CNTN6: variants seen among roughly 807,000 people sequenced by gnomAD.
CNTN6 encodes the protein contactin 6, also known as contactin-6.
A neutral mutation model predicts 122.8 loss-of-function variants in CNTN6; 137 were observed. That is an observed-to-expected ratio of 1.12 (90% CI 0.97 to 1.29). CNTN6 has a LOEUF of 1.29. Among genes scored for constraint, CNTN6 ranks in the 50% most tolerant of loss-of-function variants. CNTN6 has a pLI of 0.00. For synonymous variants in CNTN6, 570 were observed against 426.0 expected (o/e 1.34, Z -4.16); for missense variants, 1,634 against 1,223.4 (o/e 1.34, Z -5.01).
chr3:1,325,315 C>A (rs904098224), intron 8 of CNTN6, among the ~76,000 whole-genome samples: 1 of 151,920 alleles, frequency 6.6e-6, no homozygotes, highest in African/African-American at 2.4e-5. Flanking sequence ...ACTGGATTAT[C>A]TTTCTACCAA....
At chr3:1,393,470 G>A (rs933273955) in intron 20 of CNTN6, among the ~76,000 whole-genome samples, 2 of 144,740 alleles carry the variant, frequency 1.4e-5, no homozygotes, top group African/African-American at 5.2e-5. Flanking sequence ...TGACGAGTTA[G>A]TGGGTGCAGC....
intron 1 of CNTN6, among the ~76,000 whole-genome samples, chr3:1,136,785 A>G (rs1221558841): frequency 6.6e-6 from 1 of 152,200 alleles, no homozygotes; most frequent in Non-Finnish European, 1.5e-5. Context: ...ACATGGACTC[A>G]GGATTCTGAT....
intron 2 of CNTN6, among the ~76,000 whole-genome samples, chr3:1,194,376 T>A (rs2093745848): frequency 6.6e-6 from 1 of 152,120 alleles, no homozygotes; most frequent in Non-Finnish European, 1.5e-5. Flanking sequence ...CTTGGGAGAC[T>A]GGGTTTTCTT....
intron 12 of CNTN6, among the ~76,000 whole-genome samples, chr3:1,354,534 C>A (rs1048931231): frequency 6.6e-6 from 1 of 151,426 alleles, no homozygotes; most frequent in African/African-American, 2.4e-5. Flanking sequence ...AACTGTATAA[C>A]TGACTTACTT....
intron 4 of CNTN6, among the ~76,000 whole-genome samples, chr3:1,240,059 C>A (rs373091444): frequency 6.6e-6 from 1 of 152,010 alleles, no homozygotes; most frequent in African/African-American, 2.4e-5. Flanking sequence ...GACCTGAAAC[C>A]ATAAAGATAA....
At chr3:1,167,632 G>T (rs368002513) in intron 2 of CNTN6, among the ~76,000 whole-genome samples, 3 of 152,090 alleles carry the variant, frequency 2.0e-5, no homozygotes. Flanking sequence ...CCTCAGGTGG[G>T]CAAATTGTAT....
intron 20 of CNTN6, chr3:1,394,515 A>G (rs2126239223): frequency 6.5e-6 from 1 of 153,264 alleles, no homozygotes; most frequent in South Asian, 2.0e-4. Flanking sequence ...TACAGCATAC[A>G]GGGCGGGCCA....
chr3:1,218,524 A>C (rs576076083), intron 2 of CNTN6, among the ~76,000 whole-genome samples: 2 of 152,138 alleles, frequency 1.3e-5, no homozygotes, highest in Non-Finnish European at 2.9e-5. Flanking sequence ...TATAGGAGTA[A>C]AACTGGGAGT....
At chr3:1,111,347 T>G (rs1218019828) in intron 1 of CNTN6, among the ~76,000 whole-genome samples, 2 of 152,188 alleles carry the variant, frequency 1.3e-5, no homozygotes, top group Non-Finnish European at 2.9e-5. Context: ...CTTTCTTTAG[T>G]ACTTTAGGCT....
At chr3:1,165,217 GC>G in intron 2 of CNTN6, among the ~76,000 whole-genome samples, 1 of 152,198 alleles carries the variant, frequency 6.6e-6, no homozygotes, top group Non-Finnish European at 1.5e-5. Flanking sequence ...GAAAGATCTG[GC>G]TTTTTAATGA....
chr3:1,349,568 T>G (rs546311731), intron 11 of CNTN6, among the ~76,000 whole-genome samples: 1 of 152,014 alleles, frequency 6.6e-6, no homozygotes, highest in South Asian at 2.1e-4. Context: ...AAACCATCAA[T>G]TAAAATGTTC....
Position 1,227,915 on chromosome 3 carries a change from G to T in CNTN6, c.280G>T (p.Asp94Tyr). The change falls in exon 4 of 23, where the codon GAT becomes TAT. Residue 94 changes from aspartate (D) to tyrosine (Y), a missense_variant. Transcript: ENST00000446702. Reference protein sequence around the residue: ...LAINSPHTDQDIGMYQCLATN... With the variant: ...LAINSPHTDQYIGMYQCLATN... ...AATCAATAGCCCCCACACAGATCAA[G>T]ATATTGGCATGTACCAGTGCCTGGC... 6.2e-7 allele frequency: 1 copy of T among 1,614,024 alleles called. No homozygotes were observed. Among genetic ancestry groups the T allele is most frequent in the Non-Finnish European group, 8.5e-7 (1 of 1,179,978 alleles).
chr3:1,112,712 C>G (rs2091537152), intron 1 of CNTN6, among the ~76,000 whole-genome samples: 1 of 152,004 alleles, frequency 6.6e-6, no homozygotes, highest in Non-Finnish European at 1.5e-5. Context: ...TTCACTAGTT[C>G]CCTAGGTATT....
intron 7 of CNTN6, among the ~76,000 whole-genome samples, chr3:1,300,644 A>G (rs540763070): frequency 3.3e-5 from 5 of 152,246 alleles, no homozygotes; most frequent in African/African-American, 4.8e-5. Context: ...AACATGATCA[A>G]TATAGTCTTT....
At chr3:1,157,229 A>AATTAATTTT (rs879516738) in intron 2 of CNTN6, among the ~76,000 whole-genome samples, 3 of 143,466 alleles carry the variant, frequency 2.1e-5, no homozygotes, top group African/African-American at 8.1e-5. Flanking sequence ...TAATTTATTT[A>AATTAATTTT]TTTATTTATG....
chr3:1,203,878 A>T (rs545908058), intron 2 of CNTN6, among the ~76,000 whole-genome samples: 2 of 152,214 alleles, frequency 1.3e-5, no homozygotes, highest in South Asian at 4.1e-4. Context: ...CTATGTATAG[A>T]TATGTTTCGA....
chr3:1,156,357 G>C (rs2092961842), intron 2 of CNTN6, among the ~76,000 whole-genome samples: 1 of 152,160 alleles, frequency 6.6e-6, no homozygotes, highest in Admixed American at 6.5e-5. Flanking sequence ...TCTTTGCTTA[G>C]AATCAGGTCA....
Position 1,189,924 on chromosome 3 carries a change from G to T in CNTN6, c.56-30763G>T, listed in dbSNP as rs775928596. Among the ~76,000 whole-genome samples the T allele has an allele frequency of 3.2e-4, 48 of 152,330 alleles. 1 individual carries two copies. The highest frequency in any genetic ancestry group is 1.7e-3 in the South Asian group (8 of 4,828). ...CATATCACAAAATTAGTAGCAAAAT[G>T]ATGATATGAATTTAGGTTCTCAGAC... On this transcript the variant is annotated intron_variant, in intron 2 of 22. Coordinates refer to ENST00000446702, the MANE Select transcript of CNTN6 (RefSeq NM_001289080.2).
chr3:1,167,903 C>CT (rs1228516890), intron 2 of CNTN6, among the ~76,000 whole-genome samples: 1 of 152,124 alleles, frequency 6.6e-6, no homozygotes, highest in Non-Finnish European at 1.5e-5. Flanking sequence ...AAATGTCATT[C>CT]TTTTTTTCAT....
Sources: gnomAD v4.1 joint callset for allele counts (sites outside exome capture counted in the v4.1 genomes callset) on GRCh38, gnomAD v4.1.1 for gene constraint, MANE v1.5 for transcripts, NCBI Gene and HGNC (gene_info 2026-07-23, HGNC 2026-07-21) for gene names.